PHF14: variants seen among roughly 807,000 people sequenced by gnomAD.
PHF14 encodes PHD finger protein 14.
Under a neutral mutation model 117.9 loss-of-function variants are expected in PHF14, and 55 were observed. That is an observed-to-expected ratio of 0.47 (90% CI 0.38 to 0.58). PHF14 has a LOEUF of 0.58. Among genes scored for constraint, PHF14 ranks in the 20% least tolerant of loss-of-function variants. PHF14 has a pLI of 0.00. For missense variants in PHF14, 978 were observed against 1,122.2 expected (o/e 0.87, Z 1.84); for synonymous variants, 409 against 368.6 (o/e 1.11, Z -1.26).
chr7:11,016,416 T>C (rs1358816628), intron 5 of PHF14, among the ~76,000 whole-genome samples: 1 of 152,082 alleles, frequency 6.6e-6, no homozygotes, highest in Non-Finnish European at 1.5e-5. Flanking sequence ...TTAATTAGAC[T>C]TTTTTCCTTC....
chr7:11,102,552 T>G, intron 16 of PHF14: 1 of 1,609,942 alleles, frequency 6.2e-7, no homozygotes, highest in Non-Finnish European at 8.5e-7. Flanking sequence ...ACCTCTTTTA[T>G]AAGTGTGATT....
chr7:11,014,484 T>A (rs1409556683), intron 5 of PHF14, among the ~76,000 whole-genome samples: 2 of 152,148 alleles, frequency 1.3e-5, no homozygotes, highest in Non-Finnish European at 2.9e-5. Context: ...GAAATTATAG[T>A]TAAACCCTAC....
At chr7:11,132,039 A>G (rs1289362963) in intron 17 of PHF14, among the ~76,000 whole-genome samples, 2 of 151,818 alleles carry the variant, frequency 1.3e-5, no homozygotes, top group East Asian at 3.8e-4. Flanking sequence ...GTAAAAAGTT[A>G]CTATAGTTCA....
intron 4 of PHF14, among the ~76,000 whole-genome samples, chr7:11,012,480 C>T (rs1442685708): frequency 6.6e-6 from 1 of 152,220 alleles, no homozygotes; most frequent in Non-Finnish European, 1.5e-5. Flanking sequence ...AAGAAATCTG[C>T]ATATAAGTGC....
At chr7:10,976,090 A>T (rs1389998909) in intron 2 of PHF14, among the ~76,000 whole-genome samples, 1 of 152,244 alleles carries the variant, frequency 6.6e-6, no homozygotes, top group Non-Finnish European at 1.5e-5. Context: ...TCACTCAGGC[A>T]GTAACGGATC....
At chr7:11,167,889 C>T (rs1415334313) in intron 17 of PHF14, among the ~76,000 whole-genome samples, 1 of 151,690 alleles carries the variant, frequency 6.6e-6, no homozygotes, top group East Asian at 1.9e-4. Context: ...ATTAGCCGGG[C>T]GTGGTGGTGG....
chr7:10,996,572 G>C (rs910370328), intron 4 of PHF14, among the ~76,000 whole-genome samples: 1 of 151,708 alleles, frequency 6.6e-6, no homozygotes, highest in African/African-American at 2.4e-5. Flanking sequence ...ACACCACCAG[G>C]CAAGCTATCC....
chr7:11,064,582 G>A (rs1785360046), intron 16 of PHF14, among the ~76,000 whole-genome samples: 1 of 151,958 alleles, frequency 6.6e-6, no homozygotes, highest in African/African-American at 2.4e-5. Flanking sequence ...CTCTTCAGCA[G>A]TTTTGATTTT....
intron 16 of PHF14, among the ~76,000 whole-genome samples, chr7:11,092,413 G>A (rs1310155063): frequency 6.6e-6 from 1 of 152,174 alleles, no homozygotes; most frequent in Non-Finnish European, 1.5e-5. Flanking sequence ...ACTAAACTAT[G>A]GCAATCACTG....
chr7:10,993,631 G>A (rs1419902805), intron 4 of PHF14, among the ~76,000 whole-genome samples: 3 of 152,182 alleles, frequency 2.0e-5, no homozygotes, highest in African/African-American at 7.2e-5. Context: ...CCCAGATTCT[G>A]AAGAAAAATG....
chr7:11,091,189 G>A (rs1191471682), intron 16 of PHF14, among the ~76,000 whole-genome samples: 2 of 152,132 alleles, frequency 1.3e-5, no homozygotes, highest in African/African-American at 4.8e-5. Flanking sequence ...AAATGCAAAG[G>A]ATTAGAAAGA....
chr7:11,038,957 T>A, intron 11 of PHF14, 102 bp downstream of exon 11: 1 of 508,610 alleles, frequency 2.0e-6, no homozygotes, highest in Non-Finnish European at 3.6e-6. Context: ...ACCGAAGAAT[T>A]CTGTTTGATC....
chr7:11,048,311 G>A (rs1230457014), intron 13 of PHF14, among the ~76,000 whole-genome samples: 3 of 152,154 alleles, frequency 2.0e-5, no homozygotes, highest in African/African-American at 7.2e-5. Flanking sequence ...GGTGGCTCAC[G>A]CCTGAAATCT....
intron 17 of PHF14, among the ~76,000 whole-genome samples, chr7:11,133,548 A>G (rs574112842): frequency 6.6e-6 from 1 of 152,096 alleles, no homozygotes; most frequent in South Asian, 2.1e-4. Context: ...ATGAGTTTAT[A>G]GCCACTGAAA....
chr7:11,125,474 A>T (rs1363360774), intron 17 of PHF14, among the ~76,000 whole-genome samples: 1 of 152,110 alleles, frequency 6.6e-6, no homozygotes, highest in African/African-American at 2.4e-5. Flanking sequence ...TATAAATACA[A>T]TTCAGTTTAC....
intron 4 of PHF14, among the ~76,000 whole-genome samples, chr7:11,012,406 G>A (rs186658855): frequency 6.6e-6 from 1 of 152,138 alleles, no homozygotes; most frequent in African/African-American, 2.4e-5. Context: ...GTTATGAAAA[G>A]TTGATGCTTT....
chr7:11,029,180 C>G (rs533273673), intron 7 of PHF14, among the ~76,000 whole-genome samples: 1 of 152,110 alleles, frequency 6.6e-6, no homozygotes, highest in East Asian at 1.9e-4. Flanking sequence ...CTCTATTTTT[C>G]TTTAAATAAA....
At chr7:11,117,433 A>T (rs1184046350) in intron 17 of PHF14, among the ~76,000 whole-genome samples, 1 of 151,854 alleles carries the variant, frequency 6.6e-6, no homozygotes, top group Non-Finnish European at 1.5e-5. Flanking sequence ...CAAATGCGTG[A>T]CAGACTAGCT....
chr7:10,986,165 G>A (rs1021120889), intron 3 of PHF14, among the ~76,000 whole-genome samples: 1 of 101,882 alleles, frequency 9.8e-6, no homozygotes, highest in East Asian at 2.6e-4. Flanking sequence ...TTTTTTTTTT[G>A]TAGAGATGGT....
Sources: allele counts gnomAD v4.1 joint callset (sites outside exome capture counted in the v4.1 genomes callset), GRCh38; gene constraint gnomAD v4.1.1; transcripts MANE v1.5; gene names NCBI Gene and HGNC (gene_info 2026-07-23, HGNC 2026-07-21).